TENT2: variants seen among roughly 807,000 people sequenced by gnomAD.
TENT2 encodes terminal nucleotidyltransferase 2, also known as poly(A) RNA polymerase GLD2.
TENT2 carries 44 observed loss-of-function variants against 72.2 expected under a neutral mutation model. The observed-to-expected ratio is 0.61, with a 90% CI of 0.48 to 0.78. TENT2 has a LOEUF of 0.78. Ranked by LOEUF, TENT2 falls within the 30% of genes least tolerant of loss-of-function variation. The pLI is 0.00. For synonymous variants in TENT2, 212 were observed against 192.5 expected (o/e 1.10, Z -0.84); for missense variants, 541 against 569.6 (o/e 0.95, Z 0.51).
At chr5:79,657,023 T>C (rs1018281450) in intron 11 of TENT2, 22 bp downstream of exon 11, 2 of 1,480,500 alleles carry the variant, frequency 1.4e-6, no homozygotes, top group South Asian at 1.2e-5. Flanking sequence ...TTATAAATTA[T>C]TATAATACAT....
intron 4 of TENT2, among the ~76,000 whole-genome samples, chr5:79,633,235 G>A (rs1776996537): frequency 6.6e-6 from 1 of 152,062 alleles, no homozygotes; most frequent in African/African-American, 2.4e-5. Context: ...CAAAGATTAA[G>A]GCAATGAGAG....
rs1554086793 is a variant in TENT2, at chr5:79,659,553, A to AAAGTAT, written c.1071+2553_1071+2554insAGTATA. Among the ~76,000 whole-genome samples, 8 of 26,858 alleles carry AAAGTAT rather than the reference A, an allele frequency of 3.0e-4. 1 individual carries two copies. Among genetic ancestry groups the AAAGTAT allele is most frequent in the African/African-American group, 1.5e-3 (6 of 3,992 alleles). 17.6% of individuals were successfully genotyped at this position (26,858 alleles called of 152,430 possible). On this transcript the variant is annotated intron_variant, in intron 11 of 14. Transcript: ENST00000453514. ...TCTCAAAAAAAAAAAAAAAAAAAAAAATGTATATATATATATATATATATA... is the reference window on the plus strand; with the variant it reads ...TCTCAAAAAAAAAAAAAAAAAAAAAAAAGTATATGTATATATATATATATATATATA...
rs1255834931 is a variant in TENT2 at position 79,635,097 on chromosome 5, A to T, written c.466-5754A>T. On this transcript the variant is annotated intron_variant, in intron 4 of 14. Transcript: ENST00000453514. The stretch of plus-strand genomic sequence containing the variant: ...TTATTACATATATGATCTAAATCGT[A>T]TATGATTTTTAGCCAAGGATATTTC... Among the ~76,000 whole-genome samples, 3 of 152,204 alleles carry T rather than the reference A, an allele frequency of 2.0e-5. No individual in the cohort carries two copies. The South Asian group carries it at 6.2e-4, about 31-fold the overall frequency.
At chr5:79,620,926 A>G (rs748708882) in intron 3 of TENT2, among the ~76,000 whole-genome samples, 37 of 148,906 alleles carry the variant, frequency 2.5e-4, no homozygotes, top group African/African-American at 9.4e-4. Flanking sequence ...TCAGGAGTCA[A>G]TTAATTTTAA....
At position 79,642,830 on chromosome 5, in the gene TENT2, AG is replaced by A. The variant is rs1785521915; in HGVS notation, c.673-1del. 1 of 1,606,360 alleles carries A rather than the reference AG, an allele frequency of 6.2e-7. No individual in the cohort carries two copies. The highest frequency in any genetic ancestry group is 1.3e-5 in the African/African-American group (1 of 74,664). On this transcript the variant is annotated splice_acceptor_variant, in intron 6 of 14. Coordinates refer to ENST00000453514, the MANE Select transcript of TENT2 (RefSeq NM_001114394.3). LOFTEE classifies it high-confidence loss of function. ...AAAAACACTTTATTTTTAACTTTTC[AG>A]TGTTTTTTTCAGGTAAATCAGAAGA...
chr5:79,682,756 T>C (rs998051360), intron 14 of TENT2, among the ~76,000 whole-genome samples: 6 of 152,158 alleles, frequency 3.9e-5, no homozygotes, highest in Admixed American at 3.9e-4. Context: ...GGAATTAGAG[T>C]GCTGTTTTAT....
At chr5:79,640,806 A>T in intron 4 of TENT2, 45 bp from the exon 5 acceptor site, 2 of 1,256,782 alleles carry the variant, frequency 1.6e-6, no homozygotes, top group Non-Finnish European at 2.3e-6. Context: ...AATTACTTTT[A>T]CATTGCTGAA....
At chr5:79,617,065 C>T (rs536432830) in intron 1 of TENT2, among the ~76,000 whole-genome samples, 1 of 151,898 alleles carries the variant, frequency 6.6e-6, no homozygotes, top group African/African-American at 2.4e-5. Flanking sequence ...TCACAATCCC[C>T]AGAGGCAGCT....
chr5:79,685,141 C>A, intron 14 of TENT2, 58 bp from the exon 15 acceptor site: 3 of 1,197,592 alleles, frequency 2.5e-6, no homozygotes, highest in South Asian at 2.6e-5. Context: ...TTTAAACTCT[C>A]AGTCTTTTGT....
At chr5:79,632,655 C>A (rs1179903355) in intron 4 of TENT2, among the ~76,000 whole-genome samples, 1 of 151,988 alleles carries the variant, frequency 6.6e-6, no homozygotes, top group Non-Finnish European at 1.5e-5. Flanking sequence ...GTTAAATTCC[C>A]TGTGTAATGT....
chr5:79,637,215 G>A (rs951760440), intron 4 of TENT2, among the ~76,000 whole-genome samples: 1 of 141,288 alleles, frequency 7.1e-6, no homozygotes, highest in Non-Finnish European at 1.5e-5. Context: ...TGGGAACACA[G>A]TGAGACCATG....
At chr5:79,646,504 T>C (rs1207132753) in intron 8 of TENT2, among the ~76,000 whole-genome samples, 1 of 152,208 alleles carries the variant, frequency 6.6e-6, no homozygotes, top group Non-Finnish European at 1.5e-5. Flanking sequence ...ATATATATTT[T>C]AAACAAACTT....
At chr5:79,669,106 A>G in intron 12 of TENT2, 78 bp downstream of exon 12, 7 of 1,462,764 alleles carry the variant, frequency 4.8e-6, no homozygotes, top group Non-Finnish European at 6.5e-6. Flanking sequence ...GAATACGAAT[A>G]TATAAGTAAA....
chr5:79,674,810 A>G (rs922406852), intron 12 of TENT2, among the ~76,000 whole-genome samples: 2 of 152,240 alleles, frequency 1.3e-5, no homozygotes, highest in African/African-American at 4.8e-5. Flanking sequence ...GAGTCTATCT[A>G]GGAAGAAAGA....
chr5:79,618,728 G>A (rs57388977), intron 1 of TENT2, among the ~76,000 whole-genome samples: 3,201 of 152,156 alleles, frequency 0.021, 114 homozygotes, highest in African/African-American at 0.074. Context: ...CTAAAAGTAT[G>A]TGGGTAGGGC....
Position 79,645,153 on chromosome 5 carries a change from G to C in TENT2, c.782G>C (p.Arg261Pro), listed in dbSNP as rs1185790401. 1 of 1,608,058 alleles carries C rather than the reference G, an allele frequency of 6.2e-7. No homozygotes were observed. Among genetic ancestry groups the C allele is most frequent in the Non-Finnish European group, 8.5e-7 (1 of 1,177,454 alleles). ...SGYIERPQLIRAKVPIVKFRD... is the reference protein window; with the variant it reads ...SGYIERPQLIPAKVPIVKFRD... ...TACATTGAGAGACCTCAGCTGATTC[G>C]AGCAAAAGTGCCAATTGTGAAGTTC... The change falls in exon 8 of 15, where the codon CGA becomes CCA. Residue 261 changes from arginine (R) to proline (P), a missense_variant. Coordinates refer to ENST00000453514, the MANE Select transcript of TENT2 (RefSeq NM_001114394.3).
intron 7 of TENT2, 130 bp from the exon 8 acceptor site, chr5:79,644,992 TG>T: frequency 1.5e-6 from 1 of 689,562 alleles, no homozygotes; most frequent in South Asian, 2.4e-5. Flanking sequence ...TGTCCTCACT[TG>T]TATTCTTTTT....
Position 79,640,905 on chromosome 5 carries a change from T to G in TENT2, c.520T>G (p.Leu174Val). Residue 174 changes from leucine (L) to valine (V), a missense_variant, in exon 5 of 15, where the codon TTA becomes GTA. Leu to Val is a conservative substitution (Grantham distance 32). Coordinates refer to ENST00000453514, the MANE Select transcript of TENT2 (RefSeq NM_001114394.3). Reference sequence around the variant, plus strand: ...AACATGTCAGCAGCAAATAAGTGATTTAAAGAAGAAAGAACTCTGTCGAAC... The same window carrying G: ...AACATGTCAGCAGCAAATAAGTGATGTAAAGAAGAAAGAACTCTGTCGAAC... Reference protein sequence around the residue: ...FETCQQQISDLKKKELCRTQL... With the variant: ...FETCQQQISDVKKKELCRTQL... 2 of 1,612,628 alleles carry G rather than the reference T, an allele frequency of 1.2e-6. No individual in the cohort carries two copies. Among genetic ancestry groups the G allele is most frequent in the Non-Finnish European group, 1.7e-6 (2 of 1,179,494 alleles).
intron 4 of TENT2, among the ~76,000 whole-genome samples, chr5:79,629,810 G>A (rs1361681147): frequency 7.5e-6 from 1 of 133,810 alleles, no homozygotes; most frequent in Non-Finnish European, 1.5e-5. Flanking sequence ...CTGGGCAACA[G>A]AGTGAGACTC....
Sources: gnomAD v4.1 joint callset for allele counts (sites outside exome capture counted in the v4.1 genomes callset) on GRCh38, gnomAD v4.1.1 for gene constraint, MANE v1.5 for transcripts, NCBI Gene and HGNC (gene_info 2026-07-23, HGNC 2026-07-21) for gene names.